The following PLB1 variants were observed in gnomAD, a reference collection of about 807,000 sequenced individuals.
The protein encoded by PLB1 is phospholipase B1.
A neutral mutation model predicts 227.4 loss-of-function variants in PLB1; 242 were observed. That is an observed-to-expected ratio of 1.06 (90% CI 0.96 to 1.18). PLB1 has a LOEUF of 1.18. Ranked by LOEUF, PLB1 falls within the 50% of genes most tolerant of loss-of-function variation. The pLI is 0.00. For missense variants in PLB1, 1,858 were observed against 1,816.3 expected, an observed-to-expected ratio of 1.02 and a Z score of -0.42; for synonymous variants, 757 against 682.2, an observed-to-expected ratio of 1.11 and a Z score of -1.71.
chr2:28,541,895 G>GT, intron 13 of PLB1, 84 bp downstream of exon 13: 1 of 1,085,676 alleles, frequency 9.2e-7, no homozygotes, highest in Non-Finnish European at 1.4e-6. Context: ...CACTTTGGGA[G>GT]GCCGAGGTGG....
chr2:28,618,511 T>G lies in PLB1; in HGVS notation c.3315+112T>G, dbSNP rs1029473184. 12 of 1,119,160 alleles carry G rather than the reference T, an allele frequency of 1.1e-5. No individual in the cohort carries two copies. The African/African-American group carries it at 1.8e-4, about 17-fold the overall frequency. 69.3% of individuals were successfully genotyped at this position (1,119,160 alleles called of 1,614,324 possible). ...GCTTTCAGTGCTGAGCCCGTGTTAC[T>G]GAGGGCCTACCCATGTCAGGCACTG... On this transcript the variant is annotated intron_variant, in intron 46 of 57. Transcript: ENST00000327757.
At chr2:28,636,003 G>GTA (rs1161203701) in intron 56 of PLB1, among the ~76,000 whole-genome samples, 43 of 151,614 alleles carry the variant, frequency 2.8e-4, no homozygotes, top group Admixed American at 7.9e-4. Context: ...GTGTATGTAT[G>GTA]TGTATGTATG....
At chr2:28,641,436 C>T (rs561321728) in intron 57 of PLB1, among the ~76,000 whole-genome samples, 10 of 152,258 alleles carry the variant, frequency 6.6e-5, no homozygotes, top group East Asian at 1.9e-4. Flanking sequence ...AGTGAAACCC[C>T]GTCTCTAGTA....
At chr2:28,627,065 A>G (rs972031930) in intron 51 of PLB1, among the ~76,000 whole-genome samples, 3 of 152,036 alleles carry the variant, frequency 2.0e-5, no homozygotes, top group African/African-American at 7.2e-5. Context: ...GACATTCTGT[A>G]TTTTATTTGG....
At chr2:28,533,007 T>C (rs1671223101) in intron 9 of PLB1, among the ~76,000 whole-genome samples, 1 of 152,228 alleles carries the variant, frequency 6.6e-6, no homozygotes, top group African/African-American at 2.4e-5. Flanking sequence ...TTCAGGATCC[T>C]GAAGACTGGC....
At chr2:28,622,483 C>T (rs1268772273) in intron 49 of PLB1, among the ~76,000 whole-genome samples, 1 of 152,200 alleles carries the variant, frequency 6.6e-6, no homozygotes, top group Admixed American at 6.5e-5. Flanking sequence ...AAAAGTTTGC[C>T]ATTTAATAAT....
intron 40 of PLB1, among the ~76,000 whole-genome samples, chr2:28,604,274 A>G (rs1001951613): frequency 1.6e-4 from 24 of 152,258 alleles, no homozygotes; most frequent in Admixed American, 1.4e-3. Context: ...CTCATGGCCC[A>G]GCTACCGTTG....
chr2:28,589,139 T>A (rs1238092240), intron 26 of PLB1, among the ~76,000 whole-genome samples: 6 of 151,902 alleles, frequency 3.9e-5, no homozygotes, highest in African/African-American at 1.5e-4. Context: ...CACTCCAGCC[T>A]GGGTGACAGA....
chr2:28,517,013 C>G, intron 2 of PLB1, 144 bp downstream of exon 2: 1 of 764,980 alleles, frequency 1.3e-6, no homozygotes, highest in East Asian at 2.6e-5. Context: ...AACCGCTTCC[C>G]CCATGGACAG....
At chr2:28,564,184 A>G (rs1189929355) in intron 18 of PLB1, among the ~76,000 whole-genome samples, 3 of 152,338 alleles carry the variant, frequency 2.0e-5, no homozygotes, top group East Asian at 3.9e-4. Flanking sequence ...CGAGGCTGCA[A>G]TGAGCCACAA....
intron 19 of PLB1, 100 bp downstream of exon 19, chr2:28,565,453 G>T: frequency 9.0e-7 from 1 of 1,106,392 alleles, no homozygotes; most frequent in Non-Finnish European, 1.3e-6. Context: ...AGAAGGGTGG[G>T]CCATTTTGTT....
chr2:28,562,919 C>G (rs1292617380), intron 17 of PLB1, 122 bp from the exon 18 acceptor site: 1 of 899,180 alleles, frequency 1.1e-6, no homozygotes, highest in Non-Finnish European at 1.8e-6. Flanking sequence ...TCCAAGGTGT[C>G]TTGGTGGTAA....
chr2:28,591,260 A>G, intron 30 of PLB1, 89 bp downstream of exon 30: 2 of 1,534,354 alleles, frequency 1.3e-6, no homozygotes, highest in Non-Finnish European at 1.8e-6. Context: ...AGGGTGGGAA[A>G]GCGGGCAAGA....
intron 50 of PLB1, 79 bp from the exon 51 acceptor site, chr2:28,626,349 G>A (rs1245476282): frequency 8.4e-7 from 1 of 1,195,558 alleles, no homozygotes; most frequent in Non-Finnish European, 1.2e-6. Context: ...GCACTTGGAG[G>A]GCGGGCGGGC....
At chr2:28,524,846 T>A (rs55859050) in intron 4 of PLB1, among the ~76,000 whole-genome samples, 6 of 136,714 alleles carry the variant, frequency 4.4e-5, no homozygotes, top group African/African-American at 1.7e-4. Flanking sequence ...CTCTCTCTCT[T>A]TTTTTTTTTT....
chr2:28,509,232 C>T (rs1350926433), intron 1 of PLB1, among the ~76,000 whole-genome samples: 1 of 152,112 alleles, frequency 6.6e-6, no homozygotes, highest in Non-Finnish European at 1.5e-5. Context: ...GAGAGCATGC[C>T]CTGCTTTAAT....
At chr2:28,538,284 A>G (rs369614754) in intron 9 of PLB1, 35 bp from the exon 10 acceptor site, 1 of 1,613,762 alleles carries the variant, frequency 6.2e-7, no homozygotes, top group Non-Finnish European at 8.5e-7. Context: ...GTCCTCCTGC[A>G]GGCACCCTCA....
chr2:28,577,766 A>T (rs1337699901), intron 21 of PLB1, among the ~76,000 whole-genome samples: 1 of 152,228 alleles, frequency 6.6e-6, no homozygotes, highest in Non-Finnish European at 1.5e-5. Flanking sequence ...GCTTGAACCC[A>T]GGAGGCAGGG....
At chr2:28,602,404 G>A (rs1468368560) in intron 38 of PLB1, among the ~76,000 whole-genome samples, 1 of 152,242 alleles carries the variant, frequency 6.6e-6, no homozygotes, top group Admixed American at 6.5e-5. Context: ...TGCCCTGGCT[G>A]CGTGAGACAG....
Sources: gnomAD v4.1 joint callset for allele counts (sites outside exome capture counted in the v4.1 genomes callset) on GRCh38, gnomAD v4.1.1 for gene constraint, MANE v1.5 for transcripts, NCBI Gene and HGNC (gene_info 2026-07-23, HGNC 2026-07-21) for gene names.